Variants in ZFYVE16 observed in about 807,000 individuals in gnomAD.
ZFYVE16 encodes the protein zinc finger FYVE-type containing 16.
Under a neutral mutation model 138.1 loss-of-function variants are expected in ZFYVE16, and 89 were observed. The ratio of observed to expected loss-of-function variants is 0.64; its 90% CI spans 0.54 to 0.77. ZFYVE16 has a LOEUF of 0.77. Among genes scored for constraint, ZFYVE16 ranks in the 30% least tolerant of loss-of-function variants. The pLI is 0.00. For missense variants in ZFYVE16, 1,793 were observed against 1,786.7 expected, an observed-to-expected ratio of 1.00 and a Z score of -0.06; for synonymous variants, 596 against 618.3, an observed-to-expected ratio of 0.96 and a Z score of 0.53.
At chr5:80,474,531 C>T (rs74439535) in intron 17 of ZFYVE16, 132 bp from the exon 18 acceptor site, 34,225 of 897,354 alleles carry the variant, frequency 0.038, 1,120 homozygotes, top group African/African-American at 0.14. Flanking sequence ...ATCAAGCTAT[C>T]GATACAGAAT....
rs867113184 is a variant in ZFYVE16 at position 80,410,495 on chromosome 5, G to A, written c.-94+2342G>A. 9.2e-5 allele frequency among the ~76,000 whole-genome samples: 14 copies of A among 152,268 alleles called. No homozygotes were observed. The South Asian group carries it at 1.2e-3, about 14-fold the overall frequency. On this transcript the variant is annotated intron_variant, in intron 1 of 18. Coordinates refer to ENST00000505560, the MANE Select transcript of ZFYVE16 (RefSeq NM_001284236.3). ...AGTTGTCTGTTGATGTTATTTGCTC[G>A]TTTATAGTCCAGTATCCAAGTGTTT... is the stretch of plus-strand genomic sequence containing the variant.
At chr5:80,447,010 C>G (rs1311621593) in intron 7 of ZFYVE16, among the ~76,000 whole-genome samples, 1 of 151,804 alleles carries the variant, frequency 6.6e-6, no homozygotes, top group Non-Finnish European at 1.5e-5. Flanking sequence ...GCCTGTAATC[C>G]CAGCACTTTG....
In ZFYVE16 at chr5:80,443,188, T is replaced by A; in HGVS notation, c.2485T>A (p.Cys829Ser). ...TCTTAAGTCTAATCATTCTGATGAA[T>A]GTACTACTGTCCAGCCTCCTCAGGA... Reference protein sequence around the residue: ...SNLKSNHSDECTTVQPPQENQ... With the variant: ...SNLKSNHSDESTTVQPPQENQ... The change falls in exon 6 of 19, where the codon TGT (cysteine) becomes AGT (serine). Residue 829 changes from cysteine to serine, a missense_variant. Physicochemically the swap from Cys to Ser is moderately radical, Grantham distance 112. Coordinates refer to ENST00000505560, the MANE Select transcript of ZFYVE16 (RefSeq NM_001284236.3). 4 of 1,607,186 alleles carry A rather than the reference T, an allele frequency of 2.5e-6. No homozygotes were observed. The highest frequency in any genetic ancestry group is 3.4e-6 in the Non-Finnish European group (4 of 1,178,396).
At chr5:80,410,942 C>CT (rs201915623) in intron 1 of ZFYVE16, among the ~76,000 whole-genome samples, 19 of 146,418 alleles carry the variant, frequency 1.3e-4, no homozygotes, top group East Asian at 4.0e-4. Flanking sequence ...GAGCACATGC[C>CT]TTTTTTTTTT....
Position 80,445,306 on chromosome 5 carries a change from T to C in ZFYVE16, c.2625T>C (p.Gly875=), listed in dbSNP as rs763117599. ...KEQKRVWFAD[G]ILPNGEVADT... is the part of the protein sequence containing the mutation. ...AGAAGAGAGTATGGTTTGCAGATGG[T>C]ATATTGCCCAATGGTGAAGTTGCAG... The change falls in exon 7 of 19, where the codon GGT becomes GGC. Residue 875 remains glycine, a synonymous_variant. Coordinates refer to ENST00000505560, the MANE Select transcript of ZFYVE16 (RefSeq NM_001284236.3). 10 of 1,613,920 alleles carry C rather than the reference T, an allele frequency of 6.2e-6. No homozygotes were observed. Among genetic ancestry groups the C allele is most frequent in the Middle Eastern group, 1.6e-4 (1 of 6,080 alleles).
intron 15 of ZFYVE16, among the ~76,000 whole-genome samples, chr5:80,459,929 A>G (rs1345917558): frequency 6.6e-6 from 1 of 152,164 alleles, no homozygotes; most frequent in Admixed American, 6.5e-5. Context: ...ATGTATGACA[A>G]TGTATTCATC....
intron 1 of ZFYVE16, among the ~76,000 whole-genome samples, chr5:80,422,495 C>T (rs917593750): frequency 2.0e-5 from 3 of 152,136 alleles, no homozygotes; most frequent in African/African-American, 7.2e-5. Context: ...CTGTCTGTTT[C>T]CCAGGCTGGA....
Position 80,438,638 on chromosome 5 carries a change from A to G in ZFYVE16, c.1953A>G (p.Gln651=), listed in dbSNP as rs776998838. The G allele has an allele frequency of 8.7e-6, 14 of 1,614,078 alleles. No individual in the cohort carries two copies. Among genetic ancestry groups the G allele is most frequent in the Admixed American group, 8.3e-5 (5 of 59,994 alleles). ...SQSVGGARPK[Q]LFSLPSRTRS... is the part of the protein sequence containing the mutation. ...CTGTTGGAGGGGCCAGACCTAAGCA[A>G]TTGTTTAGCCTTCCATCAAGAACAA... Residue 651 remains glutamine (Q), a synonymous_variant, in exon 4 of 19, where the codon CAA becomes CAG. Coordinates refer to ENST00000505560, the MANE Select transcript of ZFYVE16 (RefSeq NM_001284236.3).
chr5:80,423,948 C>G (rs1188650028), intron 1 of ZFYVE16, among the ~76,000 whole-genome samples: 1 of 50,766 alleles, frequency 2.0e-5, no homozygotes, highest in African/African-American at 3.5e-5. Flanking sequence ...TTTTCTTTTA[C>G]TTTTTCTTTT....
intron 14 of ZFYVE16, among the ~76,000 whole-genome samples, chr5:80,457,817 A>G (rs1034452421): frequency 2.0e-5 from 3 of 151,388 alleles, no homozygotes; most frequent in African/African-American, 7.3e-5. Flanking sequence ...CACAAGGTCA[A>G]GAATTGAGAC....
chr5:80,465,411 T>TTTTTTTTTC, intron 15 of ZFYVE16, among the ~76,000 whole-genome samples: 1 of 116,004 alleles, frequency 8.6e-6, no homozygotes, highest in Non-Finnish European at 1.8e-5. Context: ...TTTTTTTTTT[T>TTTTTTTTTC]TTTTTTTTTT....
chr5:80,441,233 G>A (rs550885214), intron 5 of ZFYVE16: 26 of 985,370 alleles, frequency 2.6e-5, no homozygotes, highest in African/African-American at 5.2e-5. Context: ...GATTTGAAAC[G>A]TTATTTATGT....
In ZFYVE16 at chr5:80,438,978, CG is replaced by C. The variant is rs747744735; in HGVS notation, c.2295del (p.Arg766AspfsTer25). 6.2e-7 allele frequency: 1 copy of C among 1,612,240 alleles called. No homozygotes were observed. Among genetic ancestry groups the C allele is most frequent in the Non-Finnish European group, 8.5e-7 (1 of 1,178,826 alleles). On this transcript the variant is annotated frameshift_variant, in exon 4 of 19. Coordinates refer to ENST00000505560, the MANE Select transcript of ZFYVE16 (RefSeq NM_001284236.3). LOFTEE classifies it high-confidence loss of function. ...CCAAGTCAAATTTACTTTTACCAAA[CG>C]GCGACACCATTGCCGAGCATGTGGG... ...NCQVKFTFTK[R>X]RHHCRACGKV...
upstream of ZFYVE16, chr5:80,407,870 C>G (rs1252801563): frequency 6.6e-6 from 1 of 152,382 alleles, no homozygotes; most frequent in Non-Finnish European, 1.5e-5. Flanking sequence ...ACAACCCACT[C>G]AGGCACTTCC....
At chr5:80,444,040 C>A (rs977625778) in intron 6 of ZFYVE16, 1 of 317,924 alleles carries the variant, frequency 3.1e-6, no homozygotes, top group African/African-American at 2.2e-5. Context: ...TTTTTTACAA[C>A]CTGTCATCAA....
intron 1 of ZFYVE16, among the ~76,000 whole-genome samples, chr5:80,422,493 T>C (rs1747364445): frequency 6.6e-6 from 1 of 152,146 alleles, no homozygotes; most frequent in African/African-American, 2.4e-5. Context: ...CTCTGTCTGT[T>C]TCCCAGGCTG....
chr5:80,432,966 C>G (rs898860640), intron 2 of ZFYVE16, among the ~76,000 whole-genome samples: 9 of 152,264 alleles, frequency 5.9e-5, no homozygotes, highest in African/African-American at 2.2e-4. Context: ...TGTGGAAAAA[C>G]AGGAATGCTT....
At position 80,438,134 on chromosome 5, in the gene ZFYVE16, G is replaced by A; in HGVS notation, c.1449G>A (p.Gly483=). 6.2e-7 allele frequency: 1 copy of A among 1,613,924 alleles called. No homozygotes were observed. Among genetic ancestry groups the A allele is most frequent in the South Asian group, 1.1e-5 (1 of 91,068 alleles). ...CTACAGTTGTAGAATCTCAAGAGGG[G>A]CTTTCTGGCACTCATGTCCCAGAGT... ...TSSTVVESQE[G]LSGTHVPESS... Residue 483 remains glycine (G), a synonymous_variant, in exon 4 of 19, where the codon GGG becomes GGA. Coordinates refer to ENST00000505560, the MANE Select transcript of ZFYVE16 (RefSeq NM_001284236.3).
At position 80,437,922 on chromosome 5, in the gene ZFYVE16, A is replaced by G. The variant is rs1448734323; in HGVS notation, c.1237A>G (p.Ile413Val). The G allele has an allele frequency of 6.2e-7, 1 of 1,613,946 alleles. No individual in the cohort carries two copies. Among genetic ancestry groups the G allele is most frequent in the African/African-American group, 1.3e-5 (1 of 74,926 alleles). ...HKDNIQDAVT[I>V]HEEIQNSVVL... ...AGATAATATACAAGATGCAGTGACT[A>G]TACATGAAGAAATACAGAACAGTGT... The change falls in exon 4 of 19, where the codon ATA (isoleucine) becomes GTA (valine). Residue 413 changes from isoleucine to valine, a missense_variant. Physicochemically the swap from Ile to Val is conservative, Grantham distance 29 (BLOSUM62 3). Around this residue, in one of 2 missense-constraint regions of ZFYVE16, gnomAD observed 1,295 missense variants for 1,204.3 expected, o/e 1.08. Coordinates refer to ENST00000505560, the MANE Select transcript of ZFYVE16 (RefSeq NM_001284236.3).
Sources: allele counts gnomAD v4.1 joint callset (sites outside exome capture counted in the v4.1 genomes callset), GRCh38; gene constraint gnomAD v4.1.1; regional missense constraint gnomAD v4.1.1; transcripts MANE v1.5; gene names NCBI Gene and HGNC (gene_info 2026-07-23, HGNC 2026-07-21).